BMERB1: variants seen among roughly 807,000 people sequenced by gnomAD.
BMERB1 encodes bMERB domain containing 1, also known as bMERB domain-containing protein 1.
Under a neutral mutation model 23.6 loss-of-function variants are expected in BMERB1, and 12 were observed. That is an observed-to-expected ratio of 0.51 (90% CI 0.33 to 0.82). BMERB1 has a LOEUF of 0.82. Ranked by LOEUF, BMERB1 falls within the 40% of genes least tolerant of loss-of-function variation. The pLI, the probability that BMERB1 is intolerant of heterozygous loss-of-function variation, is 0.03. For missense variants in BMERB1, 247 were observed against 255.4 expected (o/e 0.97, Z 0.22); for synonymous variants, 122 against 96.6 (o/e 1.26, Z -1.54).
chr16:15,504,697 C>G (rs1951353158), intron 1 of BMERB1, among the ~76,000 whole-genome samples: 2 of 152,012 alleles, frequency 1.3e-5, no homozygotes, highest in Non-Finnish European at 2.9e-5. Context: ...AAGTGATCCT[C>G]TTCCCTCAGC....
At chr16:15,579,302 C>T (rs562391140) in intron 3 of BMERB1, among the ~76,000 whole-genome samples, 13 of 152,120 alleles carry the variant, frequency 8.5e-5, no homozygotes, top group Admixed American at 2.0e-4. Flanking sequence ...GCGGTGCTGA[C>T]GAGTGATTTG....
chr16:15,522,540 T>C (rs150455417), intron 2 of BMERB1, among the ~76,000 whole-genome samples: 2 of 152,354 alleles, frequency 1.3e-5, no homozygotes, highest in East Asian at 3.9e-4. Flanking sequence ...TTTTGATTCA[T>C]ATAATCCTCA....
chr16:15,528,704 C>T (rs562411993), intron 2 of BMERB1, among the ~76,000 whole-genome samples: 1 of 152,082 alleles, frequency 6.6e-6, no homozygotes, highest in African/African-American at 2.4e-5. Context: ...TCTCCTCCCA[C>T]CCCCCTCTCC....
chr16:15,531,649 GA>G, intron 2 of BMERB1, among the ~76,000 whole-genome samples: 1 of 152,088 alleles, frequency 6.6e-6, no homozygotes, highest in African/African-American at 2.4e-5. Flanking sequence ...TCATTTTTTT[GA>G]AATCTCCCAA....
At chr16:15,502,708 G>A (rs561294861) in intron 1 of BMERB1, among the ~76,000 whole-genome samples, 1 of 152,136 alleles carries the variant, frequency 6.6e-6, no homozygotes, top group South Asian at 2.1e-4. Flanking sequence ...CTATTCCCTT[G>A]GGATTCAAGA....
Position 15,533,321 on chromosome 16 carries a change from A to C in BMERB1, c.230+17893A>C, listed in dbSNP as rs572641871. Among the ~76,000 whole-genome samples the C allele has an allele frequency of 5.9e-5, 9 of 152,074 alleles. No homozygotes were observed. In the East Asian group the frequency reaches 1.7e-3, roughly 29 times the overall value. The stretch of plus-strand genomic sequence containing the variant: ...TCAAGGTTGTTGAAACGACGAGAGA[A>C]GTCTCAAGGGGCACCTAAGATTTGT... On this transcript the variant is annotated intron_variant, in intron 2 of 5. Transcript: ENST00000300006.
At chr16:15,500,583 C>T (rs1004684410) in intron 1 of BMERB1, among the ~76,000 whole-genome samples, 2 of 152,166 alleles carry the variant, frequency 1.3e-5, no homozygotes, top group African/African-American at 4.8e-5. Flanking sequence ...TGGAGGGTCC[C>T]AGGATGGTGA....
At position 15,586,813 on chromosome 16, in the gene BMERB1, A is replaced by G. The variant is rs757776734; in HGVS notation, c.599A>G (p.Gln200Arg). Reference protein sequence around the residue: ...ALIKDCCGATQCNIM With the variant: ...ALIKDCCGATRCNIM ...ATCAAGGATTGTTGCGGGGCCACCC[A>G]GTGCAACATCATGTAGCCCCCACGT... is the stretch of plus-strand genomic sequence containing the variant. The change falls in exon 6 of 6, where the codon CAG becomes CGG. Residue 200 changes from glutamine to arginine, a missense_variant. By Grantham distance (43) the Gln-to-Arg change is conservative. Transcript: ENST00000300006. 4 of 1,607,970 alleles carry G rather than the reference A, an allele frequency of 2.5e-6. No individual in the cohort carries two copies. In the African/African-American group the frequency reaches 5.3e-5, roughly 21 times the overall value.
Position 15,434,664 on chromosome 16 carries a change from A to G in BMERB1, c.11A>G (p.Lys4Arg), listed in dbSNP as rs370778274. 80 of 1,613,662 alleles carry G rather than the reference A, an allele frequency of 5.0e-5. No individual in the cohort carries two copies. Among genetic ancestry groups the G allele is most frequent in the Non-Finnish European group, 6.5e-5 (77 of 1,179,786 alleles). The change falls in exon 1 of 6, where the codon AAG (lysine) becomes AGG (arginine). Residue 4 changes from lysine (K) to arginine (R), a missense_variant. Coordinates refer to ENST00000300006, the MANE Select transcript of BMERB1 (RefSeq NM_033201.3). MEL[K>R]QSLSTHLEAE... ...CCACGGGGATCAGCGATGGAATTAA[A>G]GCAATCTTTGTCCACCCATCTGGAA...
intron 1 of BMERB1, among the ~76,000 whole-genome samples, chr16:15,453,268 C>T (rs2051057354): frequency 6.6e-6 from 1 of 152,062 alleles, no homozygotes; most frequent in South Asian, 2.1e-4. Flanking sequence ...TAAAAAAATA[C>T]CAAAAGTTAT....
At chr16:15,476,970 G>A (rs531544214) in intron 1 of BMERB1, among the ~76,000 whole-genome samples, 2 of 152,156 alleles carry the variant, frequency 1.3e-5, no homozygotes, top group African/African-American at 4.8e-5. Flanking sequence ...GTCTTTGGCT[G>A]GCAGGGCAGA....
intron 1 of BMERB1, among the ~76,000 whole-genome samples, chr16:15,461,936 A>AAACAAC (rs201579006): frequency 2.6e-5 from 4 of 151,794 alleles, no homozygotes; most frequent in East Asian, 1.9e-4. Flanking sequence ...TGTTTCACCA[A>AAACAAC]AACAACAACA....
At chr16:15,462,270 GC>G (rs1336175170) in intron 1 of BMERB1, among the ~76,000 whole-genome samples, 1 of 144,260 alleles carries the variant, frequency 6.9e-6, no homozygotes, top group Non-Finnish European at 1.5e-5. Flanking sequence ...TCCAGCCTCA[GC>G]CCCCTGAGAA....
intron 1 of BMERB1, 21 bp downstream of exon 1, chr16:15,434,780 CG>C (rs760016469): frequency 8.4e-6 from 7 of 828,436 alleles, no homozygotes; most frequent in East Asian, 3.8e-5. Flanking sequence ...GGGCGGGGGG[CG>C]GGGGGCCGGG....
At chr16:15,437,757 G>A (rs945155027) in intron 1 of BMERB1, among the ~76,000 whole-genome samples, 7 of 152,108 alleles carry the variant, frequency 4.6e-5, no homozygotes, top group African/African-American at 1.7e-4. Flanking sequence ...AGGAGATCAA[G>A]ACCATCCTGG....
intron 1 of BMERB1, among the ~76,000 whole-genome samples, chr16:15,451,117 TAGAA>T (rs2150924151): frequency 6.6e-6 from 1 of 152,118 alleles, no homozygotes; most frequent in East Asian, 1.9e-4. Flanking sequence ...AAATAGGAAA[TAGAA>T]AGCTGCATCT....
intron 2 of BMERB1, among the ~76,000 whole-genome samples, chr16:15,528,309 CA>C (rs1367602968): frequency 6.6e-6 from 1 of 151,964 alleles, no homozygotes; most frequent in Non-Finnish European, 1.5e-5. Context: ...GACAGAAGGG[CA>C]AAAAGGACTG....
At chr16:15,558,600 A>C (rs2030332483) in intron 2 of BMERB1, among the ~76,000 whole-genome samples, 1 of 152,042 alleles carries the variant, frequency 6.6e-6, no homozygotes, top group Non-Finnish European at 1.5e-5. Context: ...GTCCTGAAAA[A>C]CAACTTTAAG....
chr16:15,531,194 A>G (rs183649923), intron 2 of BMERB1, among the ~76,000 whole-genome samples: 12 of 152,112 alleles, frequency 7.9e-5, no homozygotes, highest in African/African-American at 2.9e-4. Flanking sequence ...GGTGTGAGCC[A>G]TCACGCCCAG....
Sources: gnomAD v4.1 joint callset for allele counts (sites outside exome capture counted in the v4.1 genomes callset) on GRCh38, gnomAD v4.1.1 for gene constraint, MANE v1.5 for transcripts, NCBI Gene and HGNC (gene_info 2026-07-23, HGNC 2026-07-21) for gene names.